Variants in CEP112 observed in about 807,000 individuals in gnomAD.
The protein encoded by CEP112 is centrosomal protein of 112 kDa.
Under a neutral mutation model 153.0 loss-of-function variants are expected in CEP112, and 127 were observed. That is an observed-to-expected ratio of 0.83 (90% CI 0.72 to 0.96). CEP112 has a LOEUF of 0.96. Ranked by LOEUF, CEP112 falls within the 40% of genes least tolerant of loss-of-function variation. The pLI, the probability that CEP112 is intolerant of heterozygous loss-of-function variation, is 0.00. For synonymous variants in CEP112, 358 were observed against 374.4 expected, an observed-to-expected ratio of 0.96 and a Z score of 0.51; for missense variants, 1,089 against 1,101.2, an observed-to-expected ratio of 0.99 and a Z score of 0.16.
intron 17 of CEP112, among the ~76,000 whole-genome samples, chr17:65,969,669 A>G (rs2062573363): frequency 6.6e-6 from 1 of 152,236 alleles, no homozygotes; most frequent in Non-Finnish European, 1.5e-5. Context: ...AACACTGCAT[A>G]TTGCATGCAT....
In CEP112 at chr17:65,964,006, G is replaced by A. The variant is rs118121574; in HGVS notation, c.1737-2408C>T. Among the ~76,000 whole-genome samples, 17 of 152,280 alleles carry A rather than the reference G, an allele frequency of 1.1e-4. No homozygotes were observed. In the East Asian group the frequency reaches 3.1e-3, roughly 28 times the overall value. On this transcript the variant is annotated intron_variant, in intron 17 of 26. Coordinates refer to ENST00000535342, the MANE Select transcript of CEP112 (RefSeq NM_001199165.4). ...AGAGTTTAATACTGCCCCAAGGTGT[G>A]TGATGCCCTGCATGACAGTTAAGCC... is the stretch of plus-strand genomic sequence containing the variant.
intron 24 of CEP112, among the ~76,000 whole-genome samples, chr17:65,654,056 C>CAAAAAAAAAAAAAAAAAAAAAAAA (rs773433478): frequency 3.0e-4 from 8 of 26,882 alleles, no homozygotes; most frequent in African/African-American, 8.0e-4. Flanking sequence ...AAGACTCCAT[C>CAAAAAAAAAAAAAAAAAAAAAAAA]AAAAAAAAAA....
chr17:65,672,279 T>C (rs1046373176), intron 24 of CEP112, among the ~76,000 whole-genome samples: 1 of 152,158 alleles, frequency 6.6e-6, no homozygotes, highest in Non-Finnish European at 1.5e-5. Flanking sequence ...TGCAAAGAGA[T>C]GTAAAGTTCC....
intron 21 of CEP112, among the ~76,000 whole-genome samples, chr17:65,799,629 C>A (rs973921904): frequency 6.6e-6 from 1 of 152,192 alleles, no homozygotes; most frequent in African/African-American, 2.4e-5. Context: ...TGCCCTTAGG[C>A]AAGTCCTAAA....
At chr17:66,004,076 A>G (rs1214134003) in intron 17 of CEP112, among the ~76,000 whole-genome samples, 1 of 152,186 alleles carries the variant, frequency 6.6e-6, no homozygotes, top group African/African-American at 2.4e-5. Flanking sequence ...GAGAGAAAAA[A>G]TATGGTAAAT....
At chr17:66,040,401 T>A (rs2065918177) in intron 12 of CEP112, among the ~76,000 whole-genome samples, 1 of 152,120 alleles carries the variant, frequency 6.6e-6, no homozygotes, top group Admixed American at 6.5e-5. Flanking sequence ...TTTTTCTTGA[T>A]GATTTTTTTC....
At chr17:65,902,596 G>A (rs1026378778) in intron 19 of CEP112, among the ~76,000 whole-genome samples, 2 of 151,434 alleles carry the variant, frequency 1.3e-5, no homozygotes, top group East Asian at 1.9e-4. Context: ...AAATTATCTC[G>A]AATGCTAGTC....
At position 66,029,266 on chromosome 17, in the gene CEP112, A is replaced by C. The variant is rs1324721207; in HGVS notation, c.1374-14T>G. The C allele has an allele frequency of 1.2e-6, 2 of 1,600,996 alleles. No individual in the cohort carries two copies. Among genetic ancestry groups the C allele is most frequent in the Non-Finnish European group, 1.7e-6 (2 of 1,174,482 alleles). ...AGTGTGTTACGCCTAAAAACAAGAGAATAAAATAGACTTTCAATGTATTTA... is the reference window on the plus strand; with the variant it reads ...AGTGTGTTACGCCTAAAAACAAGAGCATAAAATAGACTTTCAATGTATTTA... On this transcript the variant is annotated splice_polypyrimidine_tract_variant and intron_variant, in intron 13 of 26. Coordinates refer to ENST00000535342, the MANE Select transcript of CEP112 (RefSeq NM_001199165.4).
chr17:66,179,285 G>A (rs1274933303), intron 2 of CEP112, among the ~76,000 whole-genome samples: 1 of 152,148 alleles, frequency 6.6e-6, no homozygotes, highest in Non-Finnish European at 1.5e-5. Flanking sequence ...GGTTTGGGTA[G>A]TATGGACATT....
At chr17:66,144,856 CAT>C (rs968477383) in intron 4 of CEP112, among the ~76,000 whole-genome samples, 7 of 152,222 alleles carry the variant, frequency 4.6e-5, no homozygotes, top group African/African-American at 1.7e-4. Flanking sequence ...TTTATGTGGA[CAT>C]ATGTTTTCAT....
chr17:65,765,239 A>AT (rs2052884560), intron 21 of CEP112, among the ~76,000 whole-genome samples: 1 of 144,254 alleles, frequency 6.9e-6, no homozygotes, highest in African/African-American at 2.6e-5. Flanking sequence ...TTCTCTTGTA[A>AT]TTTTTTTGAG....
rs1027156380 is a variant in CEP112 at position 66,191,343 on chromosome 17, T to C, written c.-9+654A>G. On this transcript the variant is annotated intron_variant, in intron 1 of 26. Transcript: ENST00000535342. This position sits in a 1 kb window ranked among gnomAD's most constrained non-coding sequence, Gnocchi z 4.2. ...TATCTTATTTTGACTCATCTTAAAA[T>C]ATTAAAAACAAATAAAAGTAGCCGT... is the stretch of plus-strand genomic sequence containing the variant. Among the ~76,000 whole-genome samples, 1 of 152,354 alleles carries C rather than the reference T, an allele frequency of 6.6e-6. No individual in the cohort carries two copies. Among genetic ancestry groups the C allele is most frequent in the African/African-American group, 2.4e-5 (1 of 41,590 alleles).
chr17:65,826,603 GA>G lies in CEP112; in HGVS notation c.2394+25200del, dbSNP rs1473889434. The G allele has an allele frequency of 1.8e-5, 22 of 1,209,452 alleles. No homozygotes were observed. The East Asian group carries it at 1.1e-3, about 59-fold the overall frequency. 74.9% of individuals were successfully genotyped at this position (1,209,452 alleles called of 1,614,324 possible). A position where few individuals can be genotyped will look rare whatever the true frequency, so the allele number is the denominator to read the frequency against. On this transcript the variant is annotated intron_variant, in intron 21 of 26. Transcript: ENST00000535342. ...TTGTGATTCTGGTCTCCCAGGGGCA[GA>G]AAATAGGAAGCAGGCTAAAGATGCC... is the stretch of plus-strand genomic sequence containing the variant.
chr17:65,638,717 C>T (rs893372129), intron 25 of CEP112, among the ~76,000 whole-genome samples: 2 of 152,160 alleles, frequency 1.3e-5, no homozygotes, highest in Admixed American at 1.3e-4. Flanking sequence ...TGCTTTCAAA[C>T]TAAATTTGCT....
At chr17:66,117,154 A>G (rs2069339788) in intron 6 of CEP112, among the ~76,000 whole-genome samples, 2 of 152,132 alleles carry the variant, frequency 1.3e-5, no homozygotes, top group African/African-American at 4.8e-5. Flanking sequence ...TCAATCTCCC[A>G]AAGTGCTTGG....
At chr17:65,968,598 G>GATGAAGC (rs1233178951) in intron 17 of CEP112, among the ~76,000 whole-genome samples, 1 of 152,136 alleles carries the variant, frequency 6.6e-6, no homozygotes, top group African/African-American at 2.4e-5. Flanking sequence ...CTTTGGAAAT[G>GATGAAGC]ATGAAGCAGA....
At chr17:66,080,474 C>T (rs928641964) in intron 8 of CEP112, among the ~76,000 whole-genome samples, 1 of 152,198 alleles carries the variant, frequency 6.6e-6, no homozygotes, top group Non-Finnish European at 1.5e-5. Context: ...TACCACCTCA[C>T]ACCAGTTAGA....
At chr17:65,940,165 C>T (rs1220542757) in intron 18 of CEP112, among the ~76,000 whole-genome samples, 3 of 152,122 alleles carry the variant, frequency 2.0e-5, no homozygotes, top group Non-Finnish European at 4.4e-5. Flanking sequence ...TAGGGAAATG[C>T]CAGTTCAAAC....
chr17:66,161,078 A>G (rs1449430526), intron 4 of CEP112, among the ~76,000 whole-genome samples: 1 of 152,208 alleles, frequency 6.6e-6, no homozygotes, highest in East Asian at 1.9e-4. Context: ...AAACATACGA[A>G]AAAAAGCTCA....
Sources: gnomAD v4.1 joint callset for allele counts (sites outside exome capture counted in the v4.1 genomes callset) on GRCh38, gnomAD v4.1.1 for gene constraint, Gnocchi (gnomAD v3.1) non-coding constraint, MANE v1.5 for transcripts, NCBI Gene and HGNC (gene_info 2026-07-23, HGNC 2026-07-21) for gene names.